The following NUP160 variants were observed in gnomAD, a reference collection of about 807,000 sequenced individuals.
NUP160 encodes the protein nuclear pore complex protein Nup160.
NUP160 carries 94 observed loss-of-function variants against 196.9 expected under a neutral mutation model. That is an observed-to-expected ratio of 0.48 (90% CI 0.40 to 0.57). The LOEUF is 0.57. NUP160 is among the 20% of genes least tolerant of loss of function. The pLI, the probability that NUP160 is intolerant of heterozygous loss-of-function variation, is 0.00. For synonymous variants in NUP160, 605 were observed against 619.7 expected, an observed-to-expected ratio of 0.98 and a Z score of 0.35; for missense variants, 1,638 against 1,748.3, an observed-to-expected ratio of 0.94 and a Z score of 1.13.
At chr11:47,838,358 G>A (rs577914601) in intron 4 of NUP160, among the ~76,000 whole-genome samples, 3 of 152,300 alleles carry the variant, frequency 2.0e-5, no homozygotes, top group Admixed American at 2.0e-4. Flanking sequence ...GTCACTCTAG[G>A]CCAGTGTAAG....
At chr11:47,813,694 C>T (rs2097682450) in intron 13 of NUP160, among the ~76,000 whole-genome samples, 1 of 151,616 alleles carries the variant, frequency 6.6e-6, no homozygotes, top group African/African-American at 2.4e-5. Flanking sequence ...AGTGTGGTGG[C>T]ACACAGCTTT....
intron 21 of NUP160, 85 bp downstream of exon 21, chr11:47,804,464 T>G: frequency 2.4e-6 from 2 of 823,076 alleles, no homozygotes; most frequent in Non-Finnish European, 3.9e-6. Flanking sequence ...TTCTTTAAAA[T>G]GCAGTTAACA....
At chr11:47,779,313 G>C in intron 35 of NUP160, 119 bp from the exon 36 acceptor site, 1 of 639,416 alleles carries the variant, frequency 1.6e-6, no homozygotes, top group Non-Finnish European at 2.7e-6. Context: ...TAGCCACTCT[G>C]CTTCATAAAA....
chr11:47,783,003 C>T (rs973770477), intron 34 of NUP160, 70 bp downstream of exon 34: 32 of 1,320,048 alleles, frequency 2.4e-5, no homozygotes, highest in Non-Finnish European at 3.2e-5. Flanking sequence ...TCATCACTTT[C>T]AAACCACTGT....
chr11:47,815,433 A>T (rs1331688320), intron 13 of NUP160, 46 bp downstream of exon 13: 5 of 1,447,738 alleles, frequency 3.5e-6, no homozygotes. Flanking sequence ...TATAACAGCC[A>T]CTGAACTGTC....
intron 9 of NUP160, among the ~76,000 whole-genome samples, chr11:47,819,682 C>G (rs1173247882): frequency 6.6e-6 from 1 of 152,054 alleles, no homozygotes; most frequent in Non-Finnish European, 1.5e-5. Flanking sequence ...TAATTATCTT[C>G]CTAAAATTGA....
chr11:47,783,842 C>T (rs950453012), intron 33 of NUP160, among the ~76,000 whole-genome samples: 2 of 151,954 alleles, frequency 1.3e-5, no homozygotes, highest in South Asian at 2.1e-4. Flanking sequence ...TACAGGCACG[C>T]ACCATCACAT....
chr11:47,778,777 T>G (rs2097658939), exon 36 of NUP160: 1 of 199,466 alleles, frequency 5.0e-6, no homozygotes. Flanking sequence ...AACCCTCAGC[T>G]ATTTTGGAAA....
chr11:47,806,565 A>C (rs2097677772), intron 19 of NUP160: 6 of 362,592 alleles, frequency 1.7e-5, no homozygotes, highest in South Asian at 5.5e-5. Flanking sequence ...CACAAGACTT[A>C]AGTGCCTTCC....
intron 23 of NUP160, among the ~76,000 whole-genome samples, chr11:47,800,004 A>G (rs543905825): frequency 6.6e-6 from 1 of 152,278 alleles, no homozygotes; most frequent in South Asian, 2.1e-4. Flanking sequence ...CTATAATCCC[A>G]GCACTTTGGG....
chr11:47,836,013 G>A (rs377270644), intron 6 of NUP160, among the ~76,000 whole-genome samples: 2 of 152,172 alleles, frequency 1.3e-5, no homozygotes, highest in African/African-American at 2.4e-5. Flanking sequence ...CTGGGAGGCC[G>A]AGGTGGGTGG....
At chr11:47,793,005 G>T in intron 27 of NUP160, 59 bp from the exon 28 acceptor site, 2 of 1,485,232 alleles carry the variant, frequency 1.3e-6, no homozygotes, top group Non-Finnish European at 1.8e-6. Context: ...CTTTTTTTTG[G>T]AGACAGAGTC....
intron 31 of NUP160, 49 bp downstream of exon 31, chr11:47,788,133 T>C (rs1258835327): frequency 6.7e-7 from 1 of 1,491,670 alleles, no homozygotes; most frequent in East Asian, 2.3e-5. Flanking sequence ...AGCAAGAGGA[T>C]AATATATTTG....
At chr11:47,848,120 G>A in intron 1 of NUP160, 99 bp downstream of exon 1, 1 of 1,407,196 alleles carries the variant, frequency 7.1e-7, no homozygotes. Flanking sequence ...AGAGGCATGT[G>A]GACTCAGGAG....
At chr11:47,782,304 ATATATATATATATATATATATATATATAT>A (rs1414197197) in intron 34 of NUP160, among the ~76,000 whole-genome samples, 10 of 52,156 alleles carry the variant, frequency 1.9e-4, no homozygotes, top group Non-Finnish European at 2.6e-4. Context: ...AAAAAAAAAA[ATATATATATATATATATATATATATATAT>A]ATATATATAT....
intron 18 of NUP160, among the ~76,000 whole-genome samples, chr11:47,808,120 A>G (rs1446628362): frequency 6.6e-6 from 1 of 152,104 alleles, no homozygotes; most frequent in Non-Finnish European, 1.5e-5. Context: ...CCATCTCTAC[A>G]AAAGTACAAA....
intron 18 of NUP160, 33 bp from the exon 19 acceptor site, chr11:47,807,173 A>T: frequency 7.5e-7 from 1 of 1,339,130 alleles, no homozygotes; most frequent in Non-Finnish European, 1.1e-6. Flanking sequence ...AGCTTAGTAA[A>T]TTCTCCTATG....
At position 47,822,211 on chromosome 11, in the gene NUP160, G is replaced by T. The variant is rs1599334190; in HGVS notation, c.1102-47C>A. 3 of 1,338,572 alleles carry T rather than the reference G, an allele frequency of 2.2e-6. No homozygotes were observed. The East Asian group carries it at 7.0e-5, about 31-fold the overall frequency. The allele number at this position is 1,338,572 out of a possible 1,614,324, so 82.9% of individuals were successfully genotyped here. ...ATTTATTACCTGAAATAATCAACAT[G>T]TTACTTTTCGAAGCAAGGGCTATTA... is the stretch of plus-strand genomic sequence containing the variant. On this transcript the variant is annotated intron_variant, in intron 7 of 35. Transcript: ENST00000378460.
intron 7 of NUP160, among the ~76,000 whole-genome samples, chr11:47,831,841 T>TC (rs1852080474): frequency 1.5e-4 from 2 of 13,258 alleles, no homozygotes; most frequent in African/African-American, 4.9e-4. Context: ...AGACTCTCTC[T>TC]CAAAAAAAAA....
Sources: allele counts gnomAD v4.1 joint callset (sites outside exome capture counted in the v4.1 genomes callset), GRCh38; gene constraint gnomAD v4.1.1; transcripts MANE v1.5; gene names NCBI Gene and HGNC (gene_info 2026-07-23, HGNC 2026-07-21).